The following SNX29 variants were observed in gnomAD, a reference collection of about 807,000 sequenced individuals.
SNX29 encodes the protein sorting nexin 29, also known as sorting nexin-29.
Under a neutral mutation model 102.1 loss-of-function variants are expected in SNX29, and 78 were observed. That is an observed-to-expected ratio of 0.76 (90% confidence interval 0.64 to 0.92). The LOEUF is 0.92. SNX29 is among the 40% of genes least tolerant of loss of function. The probability of loss-of-function intolerance (pLI) is 0.00; values close to 1 mark genes in which losing one functional copy is unlikely to be tolerated. For synonymous variants in SNX29, 580 were observed against 414.5 expected (o/e 1.40, Z -4.85); for missense variants, 1,280 against 1,061.7 (o/e 1.21, Z -2.86).
chr16:12,488,236 T>C (rs1243983345), intron 19 of SNX29, among the ~76,000 whole-genome samples: 1 of 152,110 alleles, frequency 6.6e-6, no homozygotes, highest in Non-Finnish European at 1.5e-5. Context: ...TTTCTAGGTA[T>C]AGCACACAGA....
chr16:12,476,866 T>C (rs1029245485), intron 18 of SNX29, among the ~76,000 whole-genome samples: 1 of 152,288 alleles, frequency 6.6e-6, no homozygotes, highest in Middle Eastern at 3.4e-3. Context: ...GATGCCTGTT[T>C]TCATGGTCAT....
intron 14 of SNX29, among the ~76,000 whole-genome samples, chr16:12,225,122 G>A (rs753642636): frequency 2.6e-5 from 4 of 152,080 alleles, no homozygotes; most frequent in Non-Finnish European, 5.9e-5. Context: ...TAATATCAAA[G>A]GCATTGATAT....
Position 12,569,374 on chromosome 16 carries a change from CAG to C in SNX29, c.*747_*748del, listed in dbSNP as rs993010542. The C allele has an allele frequency of 3.5e-5, 8 of 230,518 alleles. No individual in the cohort carries two copies. Among genetic ancestry groups the C allele is most frequent in the African/African-American group, 1.1e-4 (5 of 45,180 alleles). The allele number at this position is 230,518 out of a possible 1,614,324, so 14.3% of individuals were successfully genotyped here. ...TCGCCAGGCTTGGAGTGGGGGGACT[CAG>C]ACATCTGGCCCAGCCATCAGCAGCA... On this transcript the variant is annotated 3_prime_UTR_variant, in exon 21 of 21. Coordinates refer to ENST00000566228, the MANE Select transcript of SNX29 (RefSeq NM_032167.5).
Position 12,572,348 on chromosome 16 carries a change from A to ATGGACAGCAGGCTCTGCCTTCTGGAGG in SNX29, c.*3720_*3746dup, listed in dbSNP as rs2079205022. ...TGAAGCCCACCAGCCTGCCTGGTTG[A>ATGGACAGCAGGCTCTGCCTTCTGGAGG]TGGACAGCAGGCTCTGCCTTCTGGA... On this transcript the variant is annotated 3_prime_UTR_variant, in exon 21 of 21. Transcript: ENST00000566228. The ATGGACAGCAGGCTCTGCCTTCTGGAGG allele has an allele frequency of 1.9e-6, 2 of 1,062,834 alleles. No homozygotes were observed. The highest frequency in any genetic ancestry group is 1.1e-4 in the Admixed American group (2 of 18,660). 65.8% of individuals were successfully genotyped at this position (1,062,834 alleles called of 1,614,324 possible).
chr16:12,572,674 A>C lies in SNX29; in HGVS notation c.*4045A>C. ...CTCCTGTGTGAGCTGCAGCACCCAC[A>C]CGGGGGAAGCCCTGCACTCCAGCAG... On this transcript the variant is annotated 3_prime_UTR_variant, in exon 21 of 21. Transcript: ENST00000566228. 13 of 1,063,346 alleles carry C rather than the reference A, an allele frequency of 1.2e-5. No homozygotes were observed. The highest frequency in any genetic ancestry group is 5.0e-5 in the East Asian group (1 of 19,860). 65.9% of individuals were successfully genotyped at this position (1,063,346 alleles called of 1,614,324 possible). A position where few individuals can be genotyped will look rare whatever the true frequency, so the allele number is the denominator to read the frequency against.
At chr16:12,564,093 G>A (rs1185329909) in intron 20 of SNX29, among the ~76,000 whole-genome samples, 7 of 152,208 alleles carry the variant, frequency 4.6e-5, no homozygotes, top group Admixed American at 4.6e-4. Flanking sequence ...TAATATCTTT[G>A]TAAAATCCTC....
Position 12,096,632 on chromosome 16 carries a change from G to A in SNX29, c.1402+17717G>A, listed in dbSNP as rs1009626587. Among the ~76,000 whole-genome samples, 13 of 152,184 alleles carry A rather than the reference G, an allele frequency of 8.5e-5. No individual in the cohort carries two copies. The highest frequency in any genetic ancestry group is 2.9e-4 in the African/African-American group (12 of 41,430). ...TAAAGAAATGATGAATGATTGGATG[G>A]GGCAAAACGGGAGGCAATGGGGTCA... On this transcript the variant is annotated intron_variant, in intron 11 of 20. Coordinates refer to ENST00000566228, the MANE Select transcript of SNX29 (RefSeq NM_032167.5). The surrounding 1 kb of genome is among the most constrained non-coding windows in gnomAD (Gnocchi z 4.2).
At chr16:12,249,937 C>T (rs528811499) in intron 14 of SNX29, among the ~76,000 whole-genome samples, 1 of 152,290 alleles carries the variant, frequency 6.6e-6, no homozygotes, top group South Asian at 2.1e-4. Context: ...TTCTGTGATA[C>T]AGGAGAATCC....
intron 18 of SNX29, among the ~76,000 whole-genome samples, chr16:12,438,024 C>A (rs1201411399): frequency 1.3e-5 from 2 of 152,182 alleles, no homozygotes; most frequent in African/African-American, 2.4e-5. Flanking sequence ...GACTTGGGAG[C>A]ACACGTCCAC....
chr16:12,091,818 C>G (rs1006883271), intron 11 of SNX29, among the ~76,000 whole-genome samples: 2 of 151,412 alleles, frequency 1.3e-5, no homozygotes, highest in Non-Finnish European at 2.9e-5. Flanking sequence ...CTTGTTTACC[C>G]TTTCTGCCAT....
At chr16:12,343,822 G>A (rs1385814873) in intron 15 of SNX29, among the ~76,000 whole-genome samples, 1 of 152,210 alleles carries the variant, frequency 6.6e-6, no homozygotes, top group East Asian at 1.9e-4. Flanking sequence ...ATGAAGAAAC[G>A]TGAATGAATG....
chr16:12,050,056 G>A (rs2050241055), intron 7 of SNX29, among the ~76,000 whole-genome samples: 1 of 152,218 alleles, frequency 6.6e-6, no homozygotes, highest in South Asian at 2.1e-4. Flanking sequence ...GGCCTTGTCT[G>A]TCTTGCCCTG....
intron 20 of SNX29, among the ~76,000 whole-genome samples, chr16:12,552,110 C>T (rs1029804523): frequency 3.9e-5 from 6 of 152,188 alleles, no homozygotes; most frequent in African/African-American, 1.4e-4. Context: ...TGAGTGTAAC[C>T]ATGGCTGATA....
At chr16:12,411,951 G>A (rs549969535) in intron 18 of SNX29, among the ~76,000 whole-genome samples, 1 of 152,128 alleles carries the variant, frequency 6.6e-6, no homozygotes, top group Non-Finnish European at 1.5e-5. Context: ...AATGTCTCTG[G>A]GCATGTCCCC....
At chr16:12,118,311 ACC>A (rs2053821184) in intron 11 of SNX29, among the ~76,000 whole-genome samples, 1 of 69,106 alleles carries the variant, frequency 1.4e-5, no homozygotes, top group African/African-American at 6.2e-5. Context: ...TATACAGACC[ACC>A]TTTTTTTTTT....
At chr16:12,456,529 GTA>G (rs1567582174) in intron 18 of SNX29, among the ~76,000 whole-genome samples, 1 of 151,848 alleles carries the variant, frequency 6.6e-6, no homozygotes, top group East Asian at 1.9e-4. Flanking sequence ...GTGTGTGTGT[GTA>G]TGTGCATCTG....
At chr16:12,004,991 A>C (rs1464912891) in intron 3 of SNX29, among the ~76,000 whole-genome samples, 1 of 152,228 alleles carries the variant, frequency 6.6e-6, no homozygotes, top group African/African-American at 2.4e-5. Flanking sequence ...GAAGGTGCTC[A>C]GTAAAAATTT....
chr16:12,331,204 C>G (rs1006473551), intron 15 of SNX29, among the ~76,000 whole-genome samples: 1 of 152,182 alleles, frequency 6.6e-6, no homozygotes, highest in African/African-American at 2.4e-5. Flanking sequence ...TTCCAGGCTG[C>G]TGGGCTTGGC....
At chr16:11,987,883 A>T (rs1325511538) in intron 1 of SNX29, among the ~76,000 whole-genome samples, 1 of 152,168 alleles carries the variant, frequency 6.6e-6, no homozygotes, top group African/African-American at 2.4e-5. Flanking sequence ...TTATTTTTGT[A>T]GCTTTTGATA....
Sources: gnomAD v4.1 joint callset for allele counts (sites outside exome capture counted in the v4.1 genomes callset) on GRCh38, gnomAD v4.1.1 for gene constraint, Gnocchi (gnomAD v3.1) non-coding constraint, MANE v1.5 for transcripts, NCBI Gene and HGNC (gene_info 2026-07-23, HGNC 2026-07-21) for gene names.